Variants in PRKCE observed in about 807,000 individuals in gnomAD.
PRKCE encodes protein kinase C epsilon.
Under a neutral mutation model 85.4 loss-of-function variants are expected in PRKCE, and 16 were observed. That is an observed-to-expected ratio of 0.19 (90% CI 0.13 to 0.28). The LOEUF is 0.28. Among genes scored for constraint, PRKCE ranks in the 10% least tolerant of loss-of-function variants. The pLI is 1.00. For synonymous variants in PRKCE, 388 were observed against 371.5 expected (o/e 1.04, Z -0.51); for missense variants, 573 against 975.2 (o/e 0.59, Z 5.49).
intron 7 of PRKCE, among the ~76,000 whole-genome samples, chr2:46,003,520 C>T (rs901145373): frequency 6.6e-6 from 1 of 152,130 alleles, no homozygotes; most frequent in African/African-American, 2.4e-5. Context: ...TCACTAGGGG[C>T]AATAAAAGTG....
intron 2 of PRKCE, among the ~76,000 whole-genome samples, chr2:45,950,316 C>A (rs1226536460): frequency 6.6e-6 from 1 of 152,174 alleles, no homozygotes; most frequent in Non-Finnish European, 1.5e-5. Context: ...CAGATCACTG[C>A]TTTATACACC....
At chr2:46,092,752 A>G (rs895486994) in intron 11 of PRKCE, among the ~76,000 whole-genome samples, 1 of 152,174 alleles carries the variant, frequency 6.6e-6, no homozygotes, top group Non-Finnish European at 1.5e-5. Context: ...TGGAAAATGC[A>G]TACGAAGTTG....
chr2:46,019,451 G>T lies in PRKCE; in HGVS notation c.1437+8934G>T, dbSNP rs149775938. Among the ~76,000 whole-genome samples the T allele has an allele frequency of 2.5e-3, 383 of 152,296 alleles. 2 individuals carry two copies. The highest frequency in any genetic ancestry group is 9.0e-3 in the African/African-American group (375 of 41,568). On this transcript the variant is annotated intron_variant, in intron 10 of 14. Transcript: ENST00000306156. The stretch of plus-strand genomic sequence containing the variant: ...TTCCACCCACCCATAACCCTGAACT[G>T]CAGCAAGTGGGTAAATGATGCTCTT...
chr2:45,938,264 A>G (rs973337430), intron 2 of PRKCE, among the ~76,000 whole-genome samples: 2 of 152,174 alleles, frequency 1.3e-5, no homozygotes, highest in Non-Finnish European at 2.9e-5. Context: ...AAGCTGGTGT[A>G]GATGGCTTGG....
Position 46,184,801 on chromosome 2 carries a change from G to A in PRKCE, c.2134G>A (p.Val712Met), listed in dbSNP as rs199755252. 6.3e-7 allele frequency: 1 copy of A among 1,599,768 alleles called. No homozygotes were observed. The highest frequency in any genetic ancestry group is 2.2e-5 in the East Asian group (1 of 44,880). The change falls in exon 15 of 15, where the codon GTG (valine) becomes ATG (methionine). Residue 712 changes from valine (V) to methionine (M), a missense_variant. Physicochemically the swap from Val to Met is conservative, Grantham distance 21 (BLOSUM62 1). Around this residue, in one of 11 missense-constraint regions of PRKCE, gnomAD observed 45 missense variants for 39.1 expected, o/e 1.15. Transcript: ENST00000306156. The surrounding 1 kb of genome is among the most constrained non-coding windows in gnomAD (Gnocchi z 5.0). ...CCGGGAAGAGCCGGTACTCACCCTT[G>A]TGGACGAAGCAATTGTAAAGCAGAT... ...FTREEPVLTLVDEAIVKQINQ... is the reference protein window; with the variant it reads ...FTREEPVLTLMDEAIVKQINQ...
chr2:46,102,859 A>G lies in PRKCE; in HGVS notation c.1592+16497A>G, dbSNP rs565526893. ...ATACTATCAACATGACTTATCATTG[A>G]TATTGACCTCAATAGTCAATATCAA... On this transcript the variant is annotated intron_variant, in intron 11 of 14. Coordinates refer to ENST00000306156, the MANE Select transcript of PRKCE (RefSeq NM_005400.3). Among the ~76,000 whole-genome samples, 51 of 152,306 alleles carry G rather than the reference A, an allele frequency of 3.3e-4. No individual in the cohort carries two copies. The South Asian group carries it at 1.0e-2, about 30-fold the overall frequency.
intron 14 of PRKCE, among the ~76,000 whole-genome samples, chr2:46,160,223 T>TG (rs1558515618): frequency 6.6e-6 from 1 of 152,122 alleles, no homozygotes; most frequent in Non-Finnish European, 1.5e-5. Context: ...AGGATGGTGC[T>TG]GGGGGGAGCT....
intron 1 of PRKCE, among the ~76,000 whole-genome samples, chr2:45,669,725 T>C (rs1456216759): frequency 6.6e-6 from 1 of 152,180 alleles, no homozygotes; most frequent in Non-Finnish European, 1.5e-5. Flanking sequence ...TTAAAATGTA[T>C]ATCGGCCGGG....
At chr2:45,850,856 C>A (rs1692189986) in intron 2 of PRKCE, among the ~76,000 whole-genome samples, 1 of 152,182 alleles carries the variant, frequency 6.6e-6, no homozygotes, top group South Asian at 2.1e-4. Context: ...TCCTCCATTT[C>A]TTCAGTTGGA....
At position 45,984,736 on chromosome 2, in the gene PRKCE, GC is replaced by G. The variant is rs574654732; in HGVS notation, c.823+61del. 180 of 1,562,778 alleles carry G rather than the reference GC, an allele frequency of 1.2e-4. 1 individual carries two copies. The Middle Eastern group carries it at 1.5e-3, about 13-fold the overall frequency. On this transcript the variant is annotated intron_variant, in intron 6 of 14. Transcript: ENST00000306156. ...CTGCATGTCCCCTTCCTTGCTGCCT[GC>G]CCCCATCCCTGCTTTATAAAAAACC...
chr2:45,894,112 G>T (rs997943909), intron 2 of PRKCE, among the ~76,000 whole-genome samples: 1 of 152,260 alleles, frequency 6.6e-6, no homozygotes, highest in Admixed American at 6.5e-5. Context: ...GTCGCACAGG[G>T]TTGGCACACA....
At chr2:45,741,971 G>A (rs1444785381) in intron 1 of PRKCE, among the ~76,000 whole-genome samples, 2 of 152,176 alleles carry the variant, frequency 1.3e-5, no homozygotes, top group Admixed American at 1.3e-4. Flanking sequence ...TGCTGCAAGG[G>A]ATGTAGGAAG....
chr2:46,134,121 C>G (rs1674726515), intron 11 of PRKCE, among the ~76,000 whole-genome samples: 1 of 152,244 alleles, frequency 6.6e-6, no homozygotes, highest in Non-Finnish European at 1.5e-5. Flanking sequence ...CATACATTAT[C>G]TGGAAATGTG....
chr2:45,770,103 C>T (rs1685196519), intron 1 of PRKCE, among the ~76,000 whole-genome samples: 1 of 152,232 alleles, frequency 6.6e-6, no homozygotes, highest in African/African-American at 2.4e-5. Flanking sequence ...CTTTTATCCC[C>T]TCTCTTGGGT....
At chr2:46,091,189 A>G (rs1287284474) in intron 11 of PRKCE, among the ~76,000 whole-genome samples, 1 of 152,126 alleles carries the variant, frequency 6.6e-6, no homozygotes, top group Non-Finnish European at 1.5e-5. Context: ...GTGCTGTAGT[A>G]GAAGAATGCA....
At chr2:45,935,985 G>A (rs1699419493) in intron 2 of PRKCE, among the ~76,000 whole-genome samples, 1 of 152,154 alleles carries the variant, frequency 6.6e-6, no homozygotes, top group African/African-American at 2.4e-5. Flanking sequence ...TCCCTGGTCT[G>A]TCCCCTGGGG....
chr2:46,159,600 C>T lies in PRKCE; in HGVS notation c.1921-6C>T, dbSNP rs1677558719. ...ACTAATTCCGACTCTGTCCTCATCC[C>T]TGCAGTTCATGACGAAGAATCCCCA... On this transcript the variant is annotated splice_region_variant and splice_polypyrimidine_tract_variant and intron_variant, in intron 13 of 14. Transcript: ENST00000306156. The surrounding 1 kb of genome is among the most constrained non-coding windows in gnomAD (Gnocchi z 4.1). 6.3e-7 allele frequency: 1 copy of T among 1,592,482 alleles called. No homozygotes were observed.
At chr2:46,125,470 C>T (rs112534643) in intron 11 of PRKCE, among the ~76,000 whole-genome samples, 8 of 152,204 alleles carry the variant, frequency 5.3e-5, no homozygotes, top group Admixed American at 1.3e-4. Context: ...TTTCTCAAGT[C>T]GGTATATTGG....
chr2:45,730,126 T>C (rs886708702), intron 1 of PRKCE, among the ~76,000 whole-genome samples: 5 of 152,150 alleles, frequency 3.3e-5, no homozygotes. Flanking sequence ...GACGCCAGGC[T>C]TGAAGAGCCG....
Sources: gnomAD v4.1 joint callset for allele counts (sites outside exome capture counted in the v4.1 genomes callset) on GRCh38, gnomAD v4.1.1 for gene constraint, gnomAD v4.1.1 regional missense constraint, Gnocchi (gnomAD v3.1) non-coding constraint, MANE v1.5 for transcripts, NCBI Gene and HGNC (gene_info 2026-07-23, HGNC 2026-07-21) for gene names.